The following ZNF423 variants were observed in gnomAD, a reference collection of about 807,000 sequenced individuals.
The protein encoded by ZNF423 is zinc finger protein 423.
A neutral mutation model predicts 95.8 loss-of-function variants in ZNF423; 12 were observed. That is an observed-to-expected ratio of 0.13 (90% confidence interval 0.08 to 0.20). The LOEUF is 0.20. ZNF423 is among the 10% of genes least tolerant of loss of function. The probability of loss-of-function intolerance (pLI) is 1.00; values close to 1 mark genes in which losing one functional copy is unlikely to be tolerated. For missense variants in ZNF423, 1,316 were observed against 1,737.1 expected (o/e 0.76, Z 4.31); for synonymous variants, 749 against 711.9 (o/e 1.05, Z -0.83).
intron 1 of ZNF423, among the ~76,000 whole-genome samples, chr16:49,805,210 T>C (rs2034643561): frequency 6.6e-6 from 1 of 152,118 alleles, no homozygotes. Flanking sequence ...TCAGCCCCTT[T>C]AGGGAAAGTC....
intron 2 of ZNF423, among the ~76,000 whole-genome samples, chr16:49,731,621 T>G (rs941305047): frequency 3.3e-5 from 5 of 151,632 alleles, no homozygotes; most frequent in African/African-American, 1.2e-4. Flanking sequence ...GAGACCGGCC[T>G]GGGCAATATA....
At chr16:49,693,095 C>T (rs899988278) in intron 3 of ZNF423, among the ~76,000 whole-genome samples, 11 of 152,262 alleles carry the variant, frequency 7.2e-5, no homozygotes, top group African/African-American at 2.7e-4. Context: ...TGATAGCTAA[C>T]ATTAAGTGCT....
Position 49,714,268 on chromosome 16 carries a change from T to C in ZNF423, c.301+16503A>G, listed in dbSNP as rs551807433. Among the ~76,000 whole-genome samples the C allele has an allele frequency of 5.9e-5, 9 of 152,246 alleles. No homozygotes were observed. In the East Asian group the frequency reaches 1.7e-3, roughly 29 times the overall value. On this transcript the variant is annotated intron_variant, in intron 3 of 7. Coordinates refer to ENST00000563137, the MANE Select transcript of ZNF423 (RefSeq NM_001379286.1). ...GCACCCGGTGCTTACCTCCTTATTA[T>C]CTGTTTCCCCAACCAGGGCAGGGAT...
At chr16:49,533,423 T>A (rs1425870824) in intron 5 of ZNF423, among the ~76,000 whole-genome samples, 2 of 152,202 alleles carry the variant, frequency 1.3e-5, no homozygotes, top group Non-Finnish European at 2.9e-5. Flanking sequence ...AAAGCCTGTC[T>A]CCAGGACACA....
chr16:49,509,769 A>G (rs954938492), intron 7 of ZNF423, among the ~76,000 whole-genome samples: 1 of 152,208 alleles, frequency 6.6e-6, no homozygotes, highest in Non-Finnish European at 1.5e-5. Flanking sequence ...AATGGAGTTC[A>G]GTAACACAAA....
chr16:49,620,970 C>T (rs752625644), intron 5 of ZNF423, among the ~76,000 whole-genome samples: 10 of 152,186 alleles, frequency 6.6e-5, no homozygotes, highest in South Asian at 2.1e-4. Flanking sequence ...CCTTCCCAGC[C>T]GTGGGGGACC....
Position 49,748,780 on chromosome 16 carries a change from G to T in ZNF423, c.101-17809C>A, listed in dbSNP as rs777924010. ...TGTGACCCCCTGCCCTATGACAGAG[G>T]TACTATTACAGATAGGGAAACTGAG... is the stretch of plus-strand genomic sequence containing the variant. On this transcript the variant is annotated intron_variant, in intron 2 of 7. Coordinates refer to ENST00000563137, the MANE Select transcript of ZNF423 (RefSeq NM_001379286.1). Among the ~76,000 whole-genome samples the T allele has an allele frequency of 3.9e-5, 6 of 152,194 alleles. No individual in the cohort carries two copies. The East Asian group carries it at 9.6e-4, about 24-fold the overall frequency.
At chr16:49,853,074 A>G (rs1312943914) in intron 1 of ZNF423, among the ~76,000 whole-genome samples, 1 of 152,258 alleles carries the variant, frequency 6.6e-6, no homozygotes, top group Non-Finnish European at 1.5e-5. Context: ...CGACTTTCAC[A>G]GCAGAATGCT....
At chr16:49,597,176 C>T (rs942785274) in intron 5 of ZNF423, among the ~76,000 whole-genome samples, 1 of 152,080 alleles carries the variant, frequency 6.6e-6, no homozygotes, top group African/African-American at 2.4e-5. Context: ...TGCCAATGTT[C>T]CCCAAGAGCC....
intron 3 of ZNF423, among the ~76,000 whole-genome samples, chr16:49,710,672 G>C (rs368398067): frequency 1.3e-5 from 2 of 152,162 alleles, no homozygotes; most frequent in African/African-American, 4.8e-5. Flanking sequence ...AAACAAGAGA[G>C]GGGACTCCAC....
At chr16:49,509,059 C>T (rs1419647357) in intron 7 of ZNF423, among the ~76,000 whole-genome samples, 1 of 152,232 alleles carries the variant, frequency 6.6e-6, no homozygotes, top group Non-Finnish European at 1.5e-5. Flanking sequence ...ACTGGACTCT[C>T]TGCTCTTTAT....
chr16:49,816,974 G>A (rs1007882248), intron 1 of ZNF423, among the ~76,000 whole-genome samples: 1 of 152,278 alleles, frequency 6.6e-6, no homozygotes, highest in Middle Eastern at 3.4e-3. Flanking sequence ...GACTGCAAAG[G>A]CTTTTGAGAG....
chr16:49,773,233 C>T (rs1168513460), intron 2 of ZNF423, among the ~76,000 whole-genome samples: 1 of 152,068 alleles, frequency 6.6e-6, no homozygotes, highest in Non-Finnish European at 1.5e-5. Flanking sequence ...GCAGGAGAAT[C>T]GCTTGAACCC....
intron 5 of ZNF423, among the ~76,000 whole-genome samples, chr16:49,575,218 G>A (rs994450482): frequency 1.3e-5 from 2 of 152,070 alleles, no homozygotes; most frequent in African/African-American, 2.4e-5. Flanking sequence ...ATCACCAGGG[G>A]TTTCACTTGC....
intron 2 of ZNF423, among the ~76,000 whole-genome samples, chr16:49,784,004 G>T (rs949185826): frequency 6.6e-6 from 1 of 151,474 alleles, no homozygotes; most frequent in Non-Finnish European, 1.5e-5. Flanking sequence ...AGAAATCCAT[G>T]AGTTGTCCAG....
At chr16:49,679,193 A>T (rs914150727) in intron 3 of ZNF423, among the ~76,000 whole-genome samples, 3 of 152,200 alleles carry the variant, frequency 2.0e-5, no homozygotes, top group African/African-American at 7.2e-5. Context: ...CCTCCCACTA[A>T]TGGCAGCAGC....
intron 3 of ZNF423, among the ~76,000 whole-genome samples, chr16:49,659,049 A>G (rs1002772912): frequency 6.6e-6 from 1 of 152,112 alleles, no homozygotes; most frequent in Non-Finnish European, 1.5e-5. Context: ...TTACTCACTC[A>G]TATTAGTCTT....
intron 5 of ZNF423, among the ~76,000 whole-genome samples, chr16:49,614,569 G>A (rs1171635865): frequency 6.6e-6 from 1 of 152,186 alleles, no homozygotes; most frequent in Non-Finnish European, 1.5e-5. Flanking sequence ...TAGGAGGGAA[G>A]TGTCTATGGC....
intron 1 of ZNF423, among the ~76,000 whole-genome samples, chr16:49,836,067 T>A (rs1420032246): frequency 6.6e-6 from 1 of 152,088 alleles, no homozygotes; most frequent in East Asian, 1.9e-4. Context: ...CTGAGCCAAC[T>A]GGACTCCTGG....
Sources: gnomAD v4.1 joint callset for allele counts (sites outside exome capture counted in the v4.1 genomes callset) on GRCh38, gnomAD v4.1.1 for gene constraint, MANE v1.5 for transcripts, NCBI Gene and HGNC (gene_info 2026-07-23, HGNC 2026-07-21) for gene names.